The following HORMAD1 variants were observed in gnomAD, a reference collection of about 807,000 sequenced individuals.
HORMAD1 encodes HORMA domain containing 1.
Under a neutral mutation model 58.2 loss-of-function variants are expected in HORMAD1, and 33 were observed. That is an observed-to-expected ratio of 0.57 (90% confidence interval 0.43 to 0.76). The LOEUF (loss-of-function observed/expected upper bound fraction) is 0.76. Among genes scored for constraint, HORMAD1 ranks in the 30% least tolerant of loss-of-function variants. The probability of loss-of-function intolerance (pLI) is 0.00; values close to 1 mark genes in which losing one functional copy is unlikely to be tolerated. For synonymous variants in HORMAD1, 137 were observed against 144.6 expected, an observed-to-expected ratio of 0.95 and a Z score of 0.38; for missense variants, 363 against 462.0, an observed-to-expected ratio of 0.79 and a Z score of 1.96.
chr1:150,710,863 C>T (rs1651855172), intron 7 of HORMAD1, among the ~76,000 whole-genome samples: 1 of 152,180 alleles, frequency 6.6e-6, no homozygotes, highest in African/African-American at 2.4e-5. Flanking sequence ...GGTAAACACC[C>T]AAATTGTGAA....
chr1:150,714,996 A>C (rs965168590), intron 3 of HORMAD1, among the ~76,000 whole-genome samples: 1 of 152,000 alleles, frequency 6.6e-6, no homozygotes, highest in South Asian at 2.1e-4. Flanking sequence ...TGTTGGGCAG[A>C]CTAGTCTCGA....
chr1:150,703,321 G>A lies in HORMAD1; in HGVS notation c.1021C>T (p.Gln341Ter). The change falls in exon 13 of 15, where the codon CAG becomes TAG. Residue 341 changes from glutamine (Q) to a stop codon, truncating the protein, a stop_gained. Transcript: ENST00000361824. LOFTEE classifies it high-confidence loss of function. Reference sequence around the variant, plus strand: ...AAAGAGATATTTACCATTTTATTCTGAAAGACTTTTCCACTTCTTGTTTTG... The same window carrying A: ...AAAGAGATATTTACCATTTTATTCTAAAAGACTTTTCCACTTCTTGTTTTG... ...ESKTRSGKVF[Q>*]NKMANGNQPV... 6.5e-7 allele frequency: 1 copy of A among 1,544,030 alleles called. No homozygotes were observed. Among genetic ancestry groups the A allele is most frequent in the Middle Eastern group, 1.7e-4 (1 of 5,918 alleles).
intron 1 of HORMAD1, among the ~76,000 whole-genome samples, chr1:150,719,963 G>C (rs1652196639): frequency 1.3e-5 from 2 of 152,100 alleles, no homozygotes; most frequent in Non-Finnish European, 2.9e-5. Context: ...CGCCAGGCTG[G>C]AGTGCAGTGG....
At chr1:150,709,607 A>G (rs1479996812) in intron 7 of HORMAD1, among the ~76,000 whole-genome samples, 2 of 151,776 alleles carry the variant, frequency 1.3e-5, no homozygotes, top group African/African-American at 4.8e-5. Flanking sequence ...GATGAGAAAG[A>G]CCTGACCGTC....
chr1:150,712,673 T>A (rs750611987), intron 5 of HORMAD1, among the ~76,000 whole-genome samples: 2 of 152,074 alleles, frequency 1.3e-5, no homozygotes, highest in East Asian at 3.9e-4. Flanking sequence ...CTCAGCCTCC[T>A]GAGTAACTGG....
At position 150,706,613 on chromosome 1, in the gene HORMAD1, T is replaced by C; in HGVS notation, c.744A>G (p.Thr248=). 1 of 1,612,854 alleles carries C rather than the reference T, an allele frequency of 6.2e-7. No individual in the cohort carries two copies. The highest frequency in any genetic ancestry group is 1.1e-5 in the South Asian group (1 of 91,022). ...STILSPKQIK[T]PFQKILRDKD... Reference sequence around the variant, plus strand: ...TGTCCCTCAGGATTTTTTGAAATGGTGTTTTTATTTGTTTTGGTGATAGTA... The same window carrying C: ...TGTCCCTCAGGATTTTTTGAAATGGCGTTTTTATTTGTTTTGGTGATAGTA... Residue 248 remains threonine, a synonymous_variant, in exon 10 of 15, where the codon ACA becomes ACG. Transcript: ENST00000361824.
intron 10 of HORMAD1, among the ~76,000 whole-genome samples, chr1:150,705,242 T>G (rs1651658438): frequency 6.6e-6 from 1 of 151,476 alleles, no homozygotes; most frequent in Non-Finnish European, 1.5e-5. Flanking sequence ...TATACAACTT[T>G]CGGCCAGGCG....
At position 150,714,016 on chromosome 1, in the gene HORMAD1, C is replaced by T. The variant is rs902415801; in HGVS notation, c.279+69G>A. 1.3e-5 allele frequency: 13 copies of T among 987,054 alleles called. No individual in the cohort carries two copies. In the African/African-American group the frequency reaches 2.1e-4, roughly 16 times the overall value. 61.1% of individuals were successfully genotyped at this position (987,054 alleles called of 1,614,324 possible). A position where few individuals can be genotyped will look rare whatever the true frequency, so the allele number is the denominator to read the frequency against. On this transcript the variant is annotated intron_variant, in intron 5 of 14. Transcript: ENST00000361824. ...AGTTCAAATGAATGTTTTACTACAT[C>T]ATAACTCCAGTTATATTTGTAGATC...
At chr1:150,714,708 T>C (rs1459716110) in intron 3 of HORMAD1, 30 bp from the exon 4 acceptor site, 5 of 1,167,740 alleles carry the variant, frequency 4.3e-6, no homozygotes, top group Non-Finnish European at 6.1e-6. Flanking sequence ...AATATAGAGT[T>C]ACTTAAGAAA....
At chr1:150,709,409 T>G (rs1651792202) in intron 7 of HORMAD1, among the ~76,000 whole-genome samples, 1 of 152,260 alleles carries the variant, frequency 6.6e-6, no homozygotes, top group Non-Finnish European at 1.5e-5. Flanking sequence ...GATCTAGGGC[T>G]GTGCAGGACG....
At chr1:150,704,759 C>T (rs941289944) in intron 10 of HORMAD1, among the ~76,000 whole-genome samples, 1 of 152,032 alleles carries the variant, frequency 6.6e-6, no homozygotes, top group African/African-American at 2.4e-5. Flanking sequence ...CAAAAAAACC[C>T]AAGCCAGGCG....
chr1:150,713,863 T>TA (rs1231649930), intron 5 of HORMAD1: 23 of 520,460 alleles, frequency 4.4e-5, no homozygotes, highest in Non-Finnish European at 7.2e-5. Flanking sequence ...AAATAAGTGT[T>TA]AAAAAAACTA....
Position 150,719,552 on chromosome 1 carries a change from T to C in HORMAD1, c.-33-14A>G. ...CTTTAATTCAACCTTGTGACACAAA[T>C]ACAAGCTTTAACTTAGAGCTCATTT... On this transcript the variant is annotated splice_polypyrimidine_tract_variant and intron_variant, in intron 1 of 14. Transcript: ENST00000361824. 1 of 1,414,734 alleles carries C rather than the reference T, an allele frequency of 7.1e-7. No individual in the cohort carries two copies. Among genetic ancestry groups the C allele is most frequent in the Non-Finnish European group, 9.7e-7 (1 of 1,026,146 alleles). The allele number at this position is 1,414,734 out of a possible 1,614,324, so 87.6% of individuals were successfully genotyped here.
intron 7 of HORMAD1, among the ~76,000 whole-genome samples, chr1:150,711,060 A>T (rs1321523565): frequency 6.6e-6 from 1 of 152,210 alleles, no homozygotes; most frequent in Non-Finnish European, 1.5e-5. Context: ...CCTAATATAA[A>T]GTAAGCACTC....
intron 8 of HORMAD1, 102 bp downstream of exon 8, chr1:150,708,792 G>T: frequency 1.6e-6 from 1 of 644,440 alleles, no homozygotes; most frequent in Non-Finnish European, 2.7e-6. Flanking sequence ...GTTAATTGGG[G>T]ATGTCCCCGC....
Position 150,708,970 on chromosome 1 carries a change from GA to G in HORMAD1, c.328-10del, listed in dbSNP as rs1159192162. The G allele has an allele frequency of 7.5e-7, 1 of 1,338,794 alleles. No individual in the cohort carries two copies. Among genetic ancestry groups the G allele is most frequent in the East Asian group, 2.3e-5 (1 of 43,546 alleles). 82.9% of individuals were successfully genotyped at this position (1,338,794 alleles called of 1,614,324 possible). On this transcript the variant is annotated splice_polypyrimidine_tract_variant and intron_variant, in intron 7 of 14. Transcript: ENST00000361824. ...TAACATTCTGAAATTGTCTTAAATAGAAAATATCGCAGTTATGCTTCTGATA... is the reference window on the plus strand; with the variant it reads ...TAACATTCTGAAATTGTCTTAAATAGAAATATCGCAGTTATGCTTCTGATA...
chr1:150,707,425 A>G (rs780480405), intron 9 of HORMAD1, among the ~76,000 whole-genome samples: 10 of 152,334 alleles, frequency 6.6e-5, no homozygotes, highest in African/African-American at 1.9e-4. Context: ...TCAGTCCCCA[A>G]TGAAGGACAC....
intron 3 of HORMAD1, 84 bp from the exon 4 acceptor site, chr1:150,714,762 T>C: frequency 1.8e-6 from 1 of 566,234 alleles, no homozygotes; most frequent in South Asian, 3.0e-5. Flanking sequence ...TTTCTTCTGC[T>C]GTGTATTACA....
At chr1:150,707,112 T>TAA (rs1163590152) in intron 9 of HORMAD1, among the ~76,000 whole-genome samples, 5 of 152,274 alleles carry the variant, frequency 3.3e-5, no homozygotes, top group African/African-American at 9.6e-5. Flanking sequence ...GGGAATAAAA[T>TAA]AAAGTGTCGT....
Sources: gnomAD v4.1 joint callset for allele counts (sites outside exome capture counted in the v4.1 genomes callset) on GRCh38, gnomAD v4.1.1 for gene constraint, MANE v1.5 for transcripts, NCBI Gene and HGNC (gene_info 2026-07-23, HGNC 2026-07-21) for gene names.